The following TTLL11 variants were observed in gnomAD, a reference collection of about 807,000 sequenced individuals.
TTLL11 encodes the protein tubulin tyrosine ligase like 11.
TTLL11 carries 42 observed loss-of-function variants against 51.7 expected under a neutral mutation model. The observed-to-expected ratio is 0.81, with a 90% CI of 0.64 to 1.05. The LOEUF (loss-of-function observed/expected upper bound fraction) is 1.05, where lower values mean the gene tolerates loss of function less well. Ranked by LOEUF, TTLL11 falls within the 50% of genes least tolerant of loss-of-function variation. The probability of loss-of-function intolerance (pLI) is 0.00; values close to 1 mark genes in which losing one functional copy is unlikely to be tolerated. For synonymous variants in TTLL11, 381 were observed against 383.5 expected (o/e 0.99, Z 0.08); for missense variants, 799 against 940.4 (o/e 0.85, Z 1.97).
At position 121,966,755 on chromosome 9, in the gene TTLL11, C is replaced by T. The variant is rs571500512; in HGVS notation, c.1481+7254G>A. On this transcript the variant is annotated intron_variant, in intron 6 of 8. Transcript: ENST00000321582. ...GGAGTCAGGCCCAGGACCCAGGTTC[C>T]AGTCTATCTCTTACTAGCTTTGGGA... 2.0e-5 allele frequency among the ~76,000 whole-genome samples: 3 copies of T among 152,302 alleles called. No individual in the cohort carries two copies. The South Asian group carries it at 6.2e-4, about 32-fold the overall frequency.
At chr9:121,846,766 G>C (rs1332050436) in intron 8 of TTLL11, among the ~76,000 whole-genome samples, 1 of 152,190 alleles carries the variant, frequency 6.6e-6, no homozygotes, top group Admixed American at 6.5e-5. Flanking sequence ...ATTGAAATTT[G>C]TGGGATCCAG....
At chr9:121,828,371 C>T (rs958215426) in intron 8 of TTLL11, among the ~76,000 whole-genome samples, 5 of 152,168 alleles carry the variant, frequency 3.3e-5, no homozygotes, top group South Asian at 2.1e-4. Context: ...ATGGGGGTTT[C>T]GCCTTCTTGG....
intron 6 of TTLL11, among the ~76,000 whole-genome samples, chr9:121,899,365 G>GTGTATATATATACATATATACA (rs1226221957): frequency 1.8e-5 from 2 of 113,240 alleles, no homozygotes; most frequent in African/African-American, 3.3e-5. Flanking sequence ...ATGTGTGTGT[G>GTGTATATATATACATATATACA]TATATATATA....
intron 3 of TTLL11, among the ~76,000 whole-genome samples, chr9:121,998,152 T>C (rs576300681): frequency 9.2e-5 from 14 of 152,322 alleles, no homozygotes; most frequent in Non-Finnish European, 1.5e-4. Flanking sequence ...TGTATACGAC[T>C]GGTTATAGTC....
At position 122,011,633 on chromosome 9, in the gene TTLL11, TA is replaced by T. The variant is rs1228708750; in HGVS notation, c.693+20089del. On this transcript the variant is annotated intron_variant, in intron 3 of 8. Coordinates refer to ENST00000321582, the MANE Select transcript of TTLL11 (RefSeq NM_001139442.2). ...TTTCAGAAATACACACAGAAGTGGT[TA>T]GGGGTACATATAGGAACATCATGTA... is the stretch of plus-strand genomic sequence containing the variant. 3.9e-5 allele frequency among the ~76,000 whole-genome samples: 6 copies of T among 152,192 alleles called. No homozygotes were observed. In the South Asian group the frequency reaches 1.0e-3, roughly 26 times the overall value.
At position 121,976,094 on chromosome 9, in the gene TTLL11, C is replaced by G. The variant is rs139596421; in HGVS notation, c.1270-1115G>C. The stretch of plus-strand genomic sequence containing the variant: ...ACTACACAACATAAAAATGCAGGGC[C>G]CTTTGTTCAAAAAGGATGAACAGTT... On this transcript the variant is annotated intron_variant, in intron 4 of 8. Transcript: ENST00000321582. 1.7e-3 allele frequency among the ~76,000 whole-genome samples: 256 copies of G among 152,248 alleles called. 1 individual carries two copies. Among genetic ancestry groups the G allele is most frequent in the African/African-American group, 5.5e-3 (230 of 41,560 alleles).
At chr9:121,968,714 G>A (rs1218638632) in intron 6 of TTLL11, among the ~76,000 whole-genome samples, 1 of 151,678 alleles carries the variant, frequency 6.6e-6, no homozygotes, top group South Asian at 2.1e-4. Flanking sequence ...GCACCACCAT[G>A]CCTGGCTAAT....
At position 121,932,367 on chromosome 9, in the gene TTLL11, C is replaced by T. The variant is rs201178698; in HGVS notation, c.1481+41642G>A. Among the ~76,000 whole-genome samples the T allele has an allele frequency of 4.6e-5, 7 of 152,324 alleles. No individual in the cohort carries two copies. The East Asian group carries it at 1.3e-3, about 29-fold the overall frequency. ...TTGGAGACACAGGCTGTGTTTTCTC[C>T]TGCACCTGCATCCTTCCTTGGTACC... On this transcript the variant is annotated intron_variant, in intron 6 of 8. Transcript: ENST00000321582.
chr9:121,841,945 G>A (rs887759266), intron 8 of TTLL11, among the ~76,000 whole-genome samples: 1 of 152,100 alleles, frequency 6.6e-6, no homozygotes, highest in Non-Finnish European at 1.5e-5. Flanking sequence ...GGAAGACATG[G>A]ATGCCTGACC....
intron 6 of TTLL11, among the ~76,000 whole-genome samples, chr9:121,908,051 AG>A (rs1840000949): frequency 6.6e-6 from 1 of 152,236 alleles, no homozygotes; most frequent in Non-Finnish European, 1.5e-5. Flanking sequence ...GAAGAGAAGG[AG>A]TAGGTGAACA....
chr9:122,006,981 CAAAAAAAAAAAAAA>C (rs71371911), intron 3 of TTLL11, among the ~76,000 whole-genome samples: 109 of 43,468 alleles, frequency 2.5e-3, no homozygotes, highest in Non-Finnish European at 3.7e-3. Flanking sequence ...GATACTCTGT[CAAAAAAAAAAAAAA>C]AAAAAAAAAA....
intron 4 of TTLL11, among the ~76,000 whole-genome samples, chr9:121,985,513 CTTTTTTT>C (rs71371908): frequency 1.0e-5 from 1 of 97,288 alleles, no homozygotes; most frequent in Non-Finnish European, 2.0e-5. Flanking sequence ...ATTTTCTTTT[CTTTTTTT>C]TTTTTTTTTT....
chr9:122,009,293 GATAA>G (rs1376808451), intron 3 of TTLL11, among the ~76,000 whole-genome samples: 4 of 151,972 alleles, frequency 2.6e-5, no homozygotes, highest in Admixed American at 1.3e-4. Context: ...TGTTGTACAT[GATAA>G]ATACATACAT....
intron 6 of TTLL11, among the ~76,000 whole-genome samples, chr9:121,896,134 C>T (rs951108264): frequency 1.3e-5 from 2 of 151,994 alleles, no homozygotes; most frequent in Admixed American, 1.3e-4. Context: ...GCTCCGCCAT[C>T]TACAGGTTCT....
intron 3 of TTLL11, among the ~76,000 whole-genome samples, chr9:121,990,945 C>A (rs1413982507): frequency 6.6e-6 from 1 of 152,144 alleles, no homozygotes; most frequent in Non-Finnish European, 1.5e-5. Context: ...GTGCTTCCTG[C>A]AGCTATGGAG....
chr9:121,855,357 T>C (rs1837782360), intron 8 of TTLL11, among the ~76,000 whole-genome samples: 1 of 152,258 alleles, frequency 6.6e-6, no homozygotes, highest in Admixed American at 6.5e-5. Flanking sequence ...ATTTGAGTTT[T>C]AGATTTCATC....
In TTLL11 at chr9:121,826,364, C is replaced by CAT. The variant is rs1213926183; in HGVS notation, c.1841-3487_1841-3486dup. The stretch of plus-strand genomic sequence containing the variant: ...TATGGGTTATATATATGGTAAAACC[C>CAT]ATATATATATGAGTGTGTGGGTGTA... On this transcript the variant is annotated intron_variant, in intron 8 of 8. Transcript: ENST00000321582. Among the ~76,000 whole-genome samples, 36 of 122,226 alleles carry CAT rather than the reference C, an allele frequency of 2.9e-4. 1 individual carries two copies. Among genetic ancestry groups the CAT allele is most frequent in the Non-Finnish European group, 5.5e-4 (33 of 60,452 alleles). 80.2% of individuals were successfully genotyped at this position (122,226 alleles called of 152,430 possible).
At chr9:121,830,267 C>T (rs1011506264) in intron 8 of TTLL11, among the ~76,000 whole-genome samples, 36 of 152,318 alleles carry the variant, frequency 2.4e-4, no homozygotes, top group African/African-American at 8.4e-4. Context: ...CAGAGGCTCT[C>T]GAACTTTCGA....
At chr9:121,956,584 G>T (rs2131614660) in intron 6 of TTLL11, among the ~76,000 whole-genome samples, 1 of 152,304 alleles carries the variant, frequency 6.6e-6, no homozygotes, top group African/African-American at 2.4e-5. Flanking sequence ...TGAGGATGGG[G>T]CCTACTGGCC....
Sources: gnomAD v4.1 joint callset for allele counts (sites outside exome capture counted in the v4.1 genomes callset) on GRCh38, gnomAD v4.1.1 for gene constraint, MANE v1.5 for transcripts, NCBI Gene and HGNC (gene_info 2026-07-23, HGNC 2026-07-21) for gene names.